PHKB: variants seen among roughly 807,000 people sequenced by gnomAD.
The protein encoded by PHKB is phosphorylase b kinase regulatory subunit beta.
PHKB carries 122 observed loss-of-function variants against 152.1 expected under a neutral mutation model. That is an observed-to-expected ratio of 0.80 (90% confidence interval 0.69 to 0.93). The LOEUF (loss-of-function observed/expected upper bound fraction) is 0.93, where lower values mean the gene tolerates loss of function less well. Among genes scored for constraint, PHKB ranks in the 40% least tolerant of loss-of-function variants. The probability of loss-of-function intolerance (pLI) is 0.00; values close to 1 mark genes in which losing one functional copy is unlikely to be tolerated. For missense variants in PHKB, 1,304 were observed against 1,328.4 expected (o/e 0.98, Z 0.29); for synonymous variants, 436 against 464.9 (o/e 0.94, Z 0.80).
At chr16:47,652,167 G>C (rs1332336007) in intron 20 of PHKB, among the ~76,000 whole-genome samples, 1 of 151,842 alleles carries the variant, frequency 6.6e-6, no homozygotes, top group Admixed American at 6.6e-5. Flanking sequence ...AAGTAAAGGA[G>C]TAAAAAGTTC....
chr16:47,636,434 G>T (rs936950198), intron 14 of PHKB, among the ~76,000 whole-genome samples: 14 of 152,280 alleles, frequency 9.2e-5, no homozygotes, highest in African/African-American at 3.4e-4. Context: ...CATGCTCTCA[G>T]GTGCAGCTGC....
At chr16:47,564,460 G>A (rs890269706) in intron 7 of PHKB, among the ~76,000 whole-genome samples, 1 of 151,962 alleles carries the variant, frequency 6.6e-6, no homozygotes, top group African/African-American at 2.4e-5. Context: ...ATGTTGGTTG[G>A]CCATTTGTGT....
intron 6 of PHKB, among the ~76,000 whole-genome samples, chr16:47,522,882 T>C (rs1288841654): frequency 6.6e-6 from 1 of 151,988 alleles, no homozygotes; most frequent in African/African-American, 2.4e-5. Context: ...TTTCATTCCA[T>C]GATGGTGGGA....
intron 24 of PHKB, 121 bp downstream of exon 24, chr16:47,663,855 G>T: frequency 1.4e-6 from 1 of 723,564 alleles, no homozygotes; most frequent in South Asian, 1.5e-5. Context: ...TAACCTCCAA[G>T]GTTACAGCAC....
At chr16:47,509,297 A>G (rs759939952) in intron 4 of PHKB, among the ~76,000 whole-genome samples, 1 of 152,168 alleles carries the variant, frequency 6.6e-6, no homozygotes, top group Non-Finnish European at 1.5e-5. Context: ...CTGAATTAAC[A>G]CCAGATGGCT....
At chr16:47,554,945 C>G (rs1971342944) in intron 7 of PHKB, among the ~76,000 whole-genome samples, 1 of 152,174 alleles carries the variant, frequency 6.6e-6, no homozygotes, top group Non-Finnish European at 1.5e-5. Flanking sequence ...AGCTGCAGAC[C>G]AGAGCTGTTC....
intron 14 of PHKB, among the ~76,000 whole-genome samples, chr16:47,628,860 A>G (rs987368127): frequency 2.0e-5 from 3 of 152,106 alleles, no homozygotes; most frequent in Admixed American, 2.0e-4. Context: ...GCCCTCAGAA[A>G]TAATGCCGCA....
intron 7 of PHKB, among the ~76,000 whole-genome samples, chr16:47,548,378 G>T (rs1971210941): frequency 3.3e-5 from 5 of 152,148 alleles, no homozygotes; most frequent in Admixed American, 2.6e-4. Context: ...GGAGGCCGAG[G>T]TGGGCAGATC....
At chr16:47,610,760 G>A in intron 13 of PHKB, 66 bp from the exon 14 acceptor site, 1 of 867,560 alleles carries the variant, frequency 1.2e-6, no homozygotes, top group Non-Finnish European at 2.0e-6. Flanking sequence ...TTTTCTAAAA[G>A]TCTAGTTGGT....
At chr16:47,659,463 C>G (rs1407950281) in intron 20 of PHKB, among the ~76,000 whole-genome samples, 1 of 152,046 alleles carries the variant, frequency 6.6e-6, no homozygotes, top group East Asian at 1.9e-4. Flanking sequence ...GTACATTTCT[C>G]AATTTTCTCT....
At chr16:47,466,836 G>A (rs1490657371) in intron 1 of PHKB, among the ~76,000 whole-genome samples, 1 of 152,108 alleles carries the variant, frequency 6.6e-6, no homozygotes, top group African/African-American at 2.4e-5. Context: ...AGATTCTTGT[G>A]ATTGGAAGAG....
intron 7 of PHKB, 47 bp from the exon 8 acceptor site, chr16:47,580,248 G>T: frequency 7.1e-7 from 1 of 1,400,938 alleles, no homozygotes; most frequent in Non-Finnish European, 1.0e-6. Context: ...TTCTGATTTT[G>T]TAGCCACATA....
intron 1 of PHKB, among the ~76,000 whole-genome samples, chr16:47,494,509 T>C (rs1970200841): frequency 1.3e-5 from 2 of 152,086 alleles, no homozygotes; most frequent in African/African-American, 4.8e-5. Context: ...TGTGGGTGCA[T>C]AGGAAGGAAA....
intron 6 of PHKB, among the ~76,000 whole-genome samples, chr16:47,517,278 A>G (rs1192984215): frequency 3.4e-5 from 5 of 148,316 alleles, no homozygotes; most frequent in East Asian, 1.9e-4. Flanking sequence ...TTTTTGAGAC[A>G]GTGTATCACT....
chr16:47,696,924 C>T (rs1242905396), intron 29 of PHKB, among the ~76,000 whole-genome samples: 1 of 152,174 alleles, frequency 6.6e-6, no homozygotes, highest in African/African-American at 2.4e-5. Flanking sequence ...AAGTTTCCCC[C>T]ACACTCACTA....
At chr16:47,566,776 C>T (rs1378512935) in intron 7 of PHKB, 2 of 740,674 alleles carry the variant, frequency 2.7e-6, no homozygotes, top group South Asian at 2.7e-5. Context: ...GTTTCATGAG[C>T]CCAGCTGACT....
chr16:47,688,681 CTTTTTTT>C (rs75628138), intron 26 of PHKB, among the ~76,000 whole-genome samples: 4 of 124,668 alleles, frequency 3.2e-5, no homozygotes, highest in Admixed American at 8.2e-5. Context: ...GCTCTCTTTC[CTTTTTTT>C]TTTTTTTTTT....
intron 6 of PHKB, among the ~76,000 whole-genome samples, chr16:47,542,251 T>C (rs1382965511): frequency 1.3e-5 from 2 of 152,228 alleles, no homozygotes; most frequent in Non-Finnish European, 2.9e-5. Flanking sequence ...TACCATTAAA[T>C]AGGGAATCCT....
At chr16:47,534,141 C>T (rs1006364180) in intron 6 of PHKB, among the ~76,000 whole-genome samples, 1 of 152,256 alleles carries the variant, frequency 6.6e-6, no homozygotes, top group Non-Finnish European at 1.5e-5. Context: ...ACAGAGCATG[C>T]AGCCCGGGTG....
Sources: allele counts gnomAD v4.1 joint callset (sites outside exome capture counted in the v4.1 genomes callset), GRCh38; gene constraint gnomAD v4.1.1; transcripts MANE v1.5; gene names NCBI Gene and HGNC (gene_info 2026-07-23, HGNC 2026-07-21).